ZNF587: variants seen among roughly 807,000 people sequenced by gnomAD.
ZNF587 encodes zinc finger protein zfp6.
In ZNF587, 8 loss-of-function variants were observed where a neutral mutation model predicts 7.5. That is an observed-to-expected ratio of 1.06 (90% CI 0.62 to 1.92). ZNF587 has a LOEUF of 1.92. Among genes scored for constraint, ZNF587 ranks in the 40% most tolerant of loss-of-function variants. The pLI, the probability that ZNF587 is intolerant of heterozygous loss-of-function variation, is 0.00. For synonymous variants in ZNF587, 145 were observed against 237.8 expected, an observed-to-expected ratio of 0.61 and a Z score of 3.59; for missense variants, 468 against 692.8, an observed-to-expected ratio of 0.68 and a Z score of 3.64.
At chr19:57,855,957 T>C (rs2071350006) in intron 1 of ZNF587, 147 bp from the exon 2 acceptor site, 28 of 1,394,250 alleles carry the variant, frequency 2.0e-5, no homozygotes, top group Non-Finnish European at 2.5e-5. Context: ...AGCAGGCCCA[T>C]GAAGAGACAA....
At chr19:57,850,367 C>T in intron 1 of ZNF587, 2 of 593,256 alleles carry the variant, frequency 3.4e-6, no homozygotes, top group Non-Finnish European at 5.9e-6. Flanking sequence ...CCTGAGCATT[C>T]TGGGATCAGA....
At chr19:57,850,544 A>C in intron 1 of ZNF587, 1 of 448,014 alleles carries the variant, frequency 2.2e-6, no homozygotes, top group Non-Finnish European at 3.9e-6. Context: ...TTGTCCGCTG[A>C]TCCATCCAGT....
At position 57,858,382 on chromosome 19, in the gene ZNF587, C is replaced by A. The variant is rs180798108; in HGVS notation, c.164-194C>A. 360 of 1,163,830 alleles carry A rather than the reference C, an allele frequency of 3.1e-4. 3 individuals carry two copies. The African/African-American group carries it at 4.9e-3, about 16-fold the overall frequency. 72.1% of individuals were successfully genotyped at this position (1,163,830 alleles called of 1,614,324 possible). A position where few individuals can be genotyped will look rare whatever the true frequency, so the allele number is the denominator to read the frequency against. On this transcript the variant is annotated intron_variant, in intron 2 of 2. Coordinates refer to ENST00000339656, the MANE Select transcript of ZNF587 (RefSeq NM_032828.4). ...CCTCAGGTGATCCACCCGCCTCAGC[C>A]TCCCAAAGTGCTGGGATTACAGGTG...
At chr19:57,855,965 C>CT in intron 1 of ZNF587, 139 bp from the exon 2 acceptor site, 1 of 1,452,514 alleles carries the variant, frequency 6.9e-7, no homozygotes, top group African/African-American at 1.4e-5. Flanking sequence ...CATGAAGAGA[C>CT]AAAGGCACCA....
rs1488332338 is a variant in ZNF587 at position 57,858,589 on chromosome 19, A to G, written c.177A>G (p.Gly59=). 1.3e-6 allele frequency: 2 copies of G among 1,598,606 alleles called. No individual in the cohort carries two copies. Among genetic ancestry groups the G allele is most frequent in the Non-Finnish European group, 1.7e-6 (2 of 1,171,544 alleles). Residue 59 remains glycine, a synonymous_variant, in exon 3 of 3, where the codon GGA becomes GGG. Coordinates refer to ENST00000339656, the MANE Select transcript of ZNF587 (RefSeq NM_032828.4). ...TCTTGCTTTCAGGTTGTTGGTGTGGATCAAAAGATGAGGAGGCACCTTGTA... is the reference window on the plus strand; with the variant it reads ...TCTTGCTTTCAGGTTGTTGGTGTGGGTCAAAAGATGAGGAGGCACCTTGTA... ...ALISSLGCWC[G]SKDEEAPCKQ...
chr19:57,854,071 T>C (rs1173000032), intron 1 of ZNF587: 1 of 152,252 alleles, frequency 6.6e-6, no homozygotes, highest in South Asian at 2.1e-4. Context: ...TATTTATCAC[T>C]GTCTGGACTC....
chr19:57,855,202 G>A (rs1207759780), intron 1 of ZNF587, among the ~76,000 whole-genome samples: 4 of 151,402 alleles, frequency 2.6e-5, no homozygotes, highest in Non-Finnish European at 4.4e-5. Flanking sequence ...AAAATTAGCC[G>A]AGTGTAGTGG....
rs77825740 is a variant in ZNF587, at chr19:57,859,359, T to A, written c.947T>A (p.Leu316His). ...AAGGGCAGCCTTATTAGCCATCAGC[T>A]TGTTCACACTGGAGAAGGGCCTTAT... ...SQKGSLISHQ[L>H]VHTGEGPYEC... is the part of the protein sequence containing the mutation. The change falls in exon 3 of 3, where the codon CTT (leucine) becomes CAT (histidine). Residue 316 changes from leucine (L) to histidine (H), a missense_variant. Leu to His is a moderately conservative substitution (Grantham distance 99). This residue lies in a region of ZNF587 where 310 missense variants were observed against 325.6 expected (regional missense o/e 0.95). Transcript: ENST00000339656. 5.6e-6 allele frequency: 9 copies of A among 1,604,328 alleles called. No homozygotes were observed. The East Asian group carries it at 9.0e-5, about 16-fold the overall frequency.
chr19:57,857,906 G>C (rs1056636250), intron 2 of ZNF587, among the ~76,000 whole-genome samples: 27 of 151,898 alleles, frequency 1.8e-4, no homozygotes, highest in Middle Eastern at 3.4e-3. Context: ...AAAGTGCTGG[G>C]ATTACAGGAG....
At position 57,856,328 on chromosome 19, in the gene ZNF587, G is replaced by A. The variant is rs1038667502; in HGVS notation, c.163+95G>A. 6.6e-6 allele frequency: 10 copies of A among 1,508,626 alleles called. No homozygotes were observed. The African/African-American group carries it at 1.4e-4, about 21-fold the overall frequency. 93.5% of individuals were successfully genotyped at this position (1,508,626 alleles called of 1,614,324 possible). ...CTGTCTTTCTCACCTAAGGAGCCTG[G>A]ACACAGGTTCCTTCTGCACTTCTCT... is the stretch of plus-strand genomic sequence containing the variant. On this transcript the variant is annotated intron_variant, in intron 2 of 2. Coordinates refer to ENST00000339656, the MANE Select transcript of ZNF587 (RefSeq NM_032828.4).
At chr19:57,857,782 A>G (rs748650476) in intron 2 of ZNF587, among the ~76,000 whole-genome samples, 6 of 151,420 alleles carry the variant, frequency 4.0e-5, no homozygotes, top group African/African-American at 1.5e-4. Flanking sequence ...TTACAGGCAC[A>G]TGCCACCATG....
chr19:57,859,533 A>G lies in ZNF587; in HGVS notation c.1121A>G (p.His374Arg). The G allele has an allele frequency of 6.2e-7, 1 of 1,613,964 alleles. No homozygotes were observed. Among genetic ancestry groups the G allele is most frequent in the Non-Finnish European group, 8.5e-7 (1 of 1,179,990 alleles). The change falls in exon 3 of 3, where the codon CAC becomes CGC. Residue 374 changes from histidine (H) to arginine (R), a missense_variant. Coordinates refer to ENST00000339656, the MANE Select transcript of ZNF587 (RefSeq NM_032828.4). ...TGCTTTATTAACCATCAGCGTGTTC[A>G]CACTGGAGAAAGGCCTTACAAGTGT... ...KFCFINHQRV[H>R]TGERPYKCGE...
Position 57,857,626 on chromosome 19 carries a change from A to ATATATG in ZNF587, c.164-949_164-948insATATGT, listed in dbSNP as rs1555775124. Among the ~76,000 whole-genome samples the ATATATG allele has an allele frequency of 9.9e-5, 15 of 151,396 alleles. 1 individual carries two copies. The highest frequency in any genetic ancestry group is 3.7e-4 in the African/African-American group (15 of 40,958). On this transcript the variant is annotated intron_variant, in intron 2 of 2. Transcript: ENST00000339656. ...TATGTGTGTATGTGTATATATATAT[A>ATATATG]TGTGTGTGTGTATATGTATATTTTT...
At chr19:57,857,595 T>G (rs1157536273) in intron 2 of ZNF587, among the ~76,000 whole-genome samples, 1 of 150,928 alleles carries the variant, frequency 6.6e-6, no homozygotes, top group Non-Finnish European at 1.5e-5. Context: ...TATATAGATG[T>G]ATATATATGT....
rs1223546915 is a variant in ZNF587, at chr19:57,864,094, C to T, written c.*3954C>T. 6.9e-6 allele frequency: 1 copy of T among 145,954 alleles called. No homozygotes were observed. The highest frequency in any genetic ancestry group is 1.5e-5 in the Non-Finnish European group (1 of 66,786). The allele number at this position is 145,954 out of a possible 1,614,324, so 9.0% of individuals were successfully genotyped here. ...AATGTTATACTTTATAACTTTATAA[C>T]AGCATGTTATATGGGCTTAGATATT... On this transcript the variant is annotated 3_prime_UTR_variant, in exon 3 of 3. Coordinates refer to ENST00000339656, the MANE Select transcript of ZNF587 (RefSeq NM_032828.4).
rs2071404808 is a variant in ZNF587, at chr19:57,859,203, C to T, written c.791C>T (p.Ala264Val). 6.2e-7 allele frequency: 1 copy of T among 1,609,316 alleles called. No individual in the cohort carries two copies. Among genetic ancestry groups the T allele is most frequent in the Non-Finnish European group, 8.5e-7 (1 of 1,178,764 alleles). The change falls in exon 3 of 3, where the codon GCA becomes GTA. Residue 264 changes from alanine to valine, a missense_variant. Around this residue, in one of 5 missense-constraint regions of ZNF587, gnomAD observed 23 missense variants for 166.4 expected, o/e 0.14. Transcript: ENST00000339656. ...SFSNHQRDHT[A>V]KGPYDCGECG... Reference sequence around the variant, plus strand: ...AGTAATCATCAGCGAGATCACACTGCAAAAGGACCTTATGATTGTGGAGAG... The same window carrying T: ...AGTAATCATCAGCGAGATCACACTGTAAAAGGACCTTATGATTGTGGAGAG...
intron 2 of ZNF587, among the ~76,000 whole-genome samples, chr19:57,857,693 G>A (rs1323080711): frequency 6.6e-6 from 1 of 151,820 alleles, no homozygotes; most frequent in Non-Finnish European, 1.5e-5. Flanking sequence ...GGAGTGCAAT[G>A]GTATGATCTC....
rs199739385 is a variant in ZNF587, at chr19:57,850,028, C to T, written c.-11C>T. ...CCACTGCTCCCGGGCCGTGCTTCCC[C>T]AAGTAGTCCGATGGCAGCGGCTGTG... On this transcript the variant is annotated 5_prime_UTR_variant, in exon 1 of 3. Transcript: ENST00000339656. 4.6e-5 allele frequency: 75 copies of T among 1,614,140 alleles called. No homozygotes were observed. The highest frequency in any genetic ancestry group is 5.9e-5 in the Non-Finnish European group (70 of 1,180,066).
At chr19:57,856,284 C>A (rs1314163915) in intron 2 of ZNF587, 51 bp downstream of exon 2, 15 of 1,529,360 alleles carry the variant, frequency 9.8e-6, no homozygotes, top group Non-Finnish European at 1.1e-5. Flanking sequence ...TACTGTTCCC[C>A]TGTTTTTCAT....
Sources: allele counts gnomAD v4.1 joint callset (sites outside exome capture counted in the v4.1 genomes callset), GRCh38; gene constraint gnomAD v4.1.1; regional missense constraint gnomAD v4.1.1; transcripts MANE v1.5; gene names NCBI Gene and HGNC (gene_info 2026-07-23, HGNC 2026-07-21).